AIFM3: variants seen among roughly 807,000 people sequenced by gnomAD.
The protein encoded by AIFM3 is apoptosis-inducing factor 3.
A neutral mutation model predicts 82.7 loss-of-function variants in AIFM3; 71 were observed. That is an observed-to-expected ratio of 0.86 (90% CI 0.71 to 1.05). The LOEUF (loss-of-function observed/expected upper bound fraction) is 1.05. Among genes scored for constraint, AIFM3 ranks in the 50% least tolerant of loss-of-function variants. AIFM3 has a pLI of 0.00. For missense variants in AIFM3, 748 were observed against 816.7 expected (o/e 0.92, Z 1.03); for synonymous variants, 337 against 329.1 (o/e 1.02, Z -0.26).
chr22:20,975,631 C>A lies in AIFM3; in HGVS notation c.721-61C>A, dbSNP rs1038764113. The A allele has an allele frequency of 3.2e-6, 5 of 1,559,620 alleles. No homozygotes were observed. In the African/African-American group the frequency reaches 5.4e-5, roughly 17 times the overall value. On this transcript the variant is annotated intron_variant, in intron 8 of 20. Coordinates refer to ENST00000440238, the MANE Select transcript of AIFM3 (RefSeq NM_001386814.1). The stretch of plus-strand genomic sequence containing the variant: ...ATGTGACTGGGGCTGGCCCCACCTT[C>A]CCTGGGCCCCAGTGTCTTCTGCTGT...
chr22:20,973,758 G>C lies in AIFM3; in HGVS notation c.246G>C (p.Gln82His). Residue 82 changes from glutamine to histidine, a missense_variant and splice_region_variant, in exon 4 of 21, where the codon CAG becomes CAC. By Grantham distance (24) the Gln-to-His change is conservative. Coordinates refer to ENST00000440238, the MANE Select transcript of AIFM3 (RefSeq NM_001386814.1). ...ACCTCTGAGTGCTGCGGTTCCCCAGGATGCGGGAAGTGGAGCTGGGCTGGG... is the reference window on the plus strand; with the variant it reads ...ACCTCTGAGTGCTGCGGTTCCCCAGCATGCGGGAAGTGGAGCTGGGCTGGG... ...VCHVKDLENGQMREVELGWGK... is the reference protein window; with the variant it reads ...VCHVKDLENGHMREVELGWGK... 6.4e-7 allele frequency: 1 copy of C among 1,552,962 alleles called. No homozygotes were observed. The highest frequency in any genetic ancestry group is 8.7e-7 in the Non-Finnish European group (1 of 1,149,304).
chr22:20,968,758 G>A (rs1923079082), intron 2 of AIFM3, among the ~76,000 whole-genome samples: 1 of 152,114 alleles, frequency 6.6e-6, no homozygotes, highest in Admixed American at 6.5e-5. Context: ...GACCTCAAGA[G>A]CGCAGCCAGT....
At chr22:20,973,215 G>C in intron 2 of AIFM3, 92 bp from the exon 3 acceptor site, 3 of 1,448,692 alleles carry the variant, frequency 2.1e-6, no homozygotes, top group Non-Finnish European at 2.8e-6. Flanking sequence ...GAGCCTCCTG[G>C]CACCCCGAGG....
chr22:20,980,373 A>G (rs8136699), intron 19 of AIFM3: 46,418 of 596,876 alleles, frequency 0.078, 4,175 homozygotes, highest in African/African-American at 0.35. Flanking sequence ...GTGCTGTGGG[A>G]AGGGGTCAGG....
chr22:20,970,007 C>T (rs535126039), intron 2 of AIFM3, among the ~76,000 whole-genome samples: 9 of 152,300 alleles, frequency 5.9e-5, no homozygotes, highest in Non-Finnish European at 1.2e-4. Context: ...TCCTGTGTGT[C>T]CTGTCTGAGT....
At chr22:20,977,145 C>T (rs749797078) in intron 14 of AIFM3, 50 bp downstream of exon 14, 3 of 1,610,208 alleles carry the variant, frequency 1.9e-6, no homozygotes, top group Non-Finnish European at 1.7e-6. Context: ...GCCGTCTGCA[C>T]ATGCTCACAT....
Position 20,976,942 on chromosome 22 carries a change from G to A in AIFM3, c.1218+4G>A, listed in dbSNP as rs770625010. 29 of 1,612,206 alleles carry A rather than the reference G, an allele frequency of 1.8e-5. No homozygotes were observed. The highest frequency in any genetic ancestry group is 2.4e-5 in the Non-Finnish European group (28 of 1,178,600). ...GCTGCGGGGCCAGGAGGGAAAGGTG[G>A]GCCCTTCTCCCTTCTCCCTGCTGCT... On this transcript the variant is annotated splice_donor_region_variant and intron_variant, in intron 13 of 20. Transcript: ENST00000440238.
In AIFM3 at chr22:20,977,926, C is replaced by T. The variant is rs537740193; in HGVS notation, c.1398C>T (p.Gly466=). The stretch of plus-strand genomic sequence containing the variant: ...ATGTCCCAGGCGTGTTTGCAGCTGG[C>T]GATGCTGTCACCTTCCCCCTTGCCT... ...QTNVPGVFAA[G]DAVTFPLAWR... is the part of the protein sequence containing the mutation. The change falls in exon 16 of 21, where the codon GGC becomes GGT. Residue 466 remains glycine (G), a synonymous_variant. Transcript: ENST00000440238. 48 of 1,614,034 alleles carry T rather than the reference C, an allele frequency of 3.0e-5. No individual in the cohort carries two copies. The highest frequency in any genetic ancestry group is 6.7e-5 in the African/African-American group (5 of 74,900).
In AIFM3 at chr22:20,972,990, C is replaced by T. The variant is rs545257044; in HGVS notation, c.32-317C>T. Reference sequence around the variant, plus strand: ...TGAACCCAGGAGGCAGAGACTGCAGCGAGCCGAGATTGCATGACTGCACTA... The same window carrying T: ...TGAACCCAGGAGGCAGAGACTGCAGTGAGCCGAGATTGCATGACTGCACTA... On this transcript the variant is annotated intron_variant, in intron 2 of 20. Transcript: ENST00000440238. 4.0e-4 allele frequency among the ~76,000 whole-genome samples: 61 copies of T among 151,034 alleles called. No homozygotes were observed. In the East Asian group the frequency reaches 4.1e-3, roughly 10 times the overall value.
In AIFM3 at chr22:20,976,439, G is replaced by A; in HGVS notation, c.931G>A (p.Val311Met). 1 of 1,614,106 alleles carries A rather than the reference G, an allele frequency of 6.2e-7. No individual in the cohort carries two copies. The highest frequency in any genetic ancestry group is 8.5e-7 in the Non-Finnish European group (1 of 1,180,030). The change falls in exon 11 of 21, where the codon GTG becomes ATG. Residue 311 changes from valine to methionine, a missense_variant. Physicochemically the swap from Val to Met is conservative, Grantham distance 21 (BLOSUM62 1). Transcript: ENST00000440238. ...PKTLSCKGKE[V>M]ENVFTIRTPE... The stretch of plus-strand genomic sequence containing the variant: ...GACTCTGAGCTGCAAAGGCAAAGAA[G>A]TGGAGAACGTGTTCACTATCCGGAC...
At position 20,979,626 on chromosome 22, in the gene AIFM3, G is replaced by A. The variant is rs1416898436; in HGVS notation, c.1577-1G>A. On this transcript the variant is annotated splice_acceptor_variant, in intron 17 of 20. Coordinates refer to ENST00000440238, the MANE Select transcript of AIFM3 (RefSeq NM_001386814.1). LOFTEE classifies it high-confidence loss of function. ...GTGCCACCCACCTGCCCGGCCCACA[G>A]GCTACGGAGAAGGCTTCGACGACGT... is the stretch of plus-strand genomic sequence containing the variant. The A allele has an allele frequency of 1.9e-6, 3 of 1,614,176 alleles. No homozygotes were observed. The highest frequency in any genetic ancestry group is 2.5e-6 in the Non-Finnish European group (3 of 1,180,022).
chr22:20,977,734 C>T lies in AIFM3; in HGVS notation c.1317C>T (p.Ser439=), dbSNP rs1212158208. 3.1e-6 allele frequency: 5 copies of T among 1,614,130 alleles called. No individual in the cohort carries two copies. The highest frequency in any genetic ancestry group is 4.2e-6 in the Non-Finnish European group (5 of 1,180,026). ...CCGCCACAGGCTTCCTGAGGCAAAG[C>T]GGCATCGGTTTGGATTCCCGAGGCT... ...AVPATGFLRQ[S]GIGLDSRGFI... is the part of the protein sequence containing the mutation. Residue 439 remains serine, a synonymous_variant, in exon 15 of 21, where the codon AGC becomes AGT. Transcript: ENST00000440238.
At chr22:20,975,213 C>T (rs57610) in intron 8 of AIFM3, among the ~76,000 whole-genome samples, 23,062 of 151,262 alleles carry the variant, frequency 0.15, 2,005 homozygotes, top group East Asian at 0.42. Flanking sequence ...CCCATCCGCC[C>T]ACCTCAGCCT....
At chr22:20,970,572 T>C (rs1056470495) in intron 2 of AIFM3, among the ~76,000 whole-genome samples, 2 of 152,230 alleles carry the variant, frequency 1.3e-5, no homozygotes, top group Admixed American at 6.5e-5. Flanking sequence ...GCGATTCTCC[T>C]GCCTCAGGCT....
chr22:20,978,979 C>T (rs1196566020), intron 16 of AIFM3, among the ~76,000 whole-genome samples: 2 of 152,108 alleles, frequency 1.3e-5, no homozygotes, highest in Non-Finnish European at 2.9e-5. Context: ...GTGTGCACAG[C>T]TGAAATGGTG....
intron 2 of AIFM3, among the ~76,000 whole-genome samples, chr22:20,970,673 C>G (rs1238975777): frequency 6.6e-6 from 1 of 152,194 alleles, no homozygotes. Flanking sequence ...GTTGGCCAGG[C>G]TGGTCTCGAA....
chr22:20,977,559 C>A (rs1459525976), intron 14 of AIFM3, 141 bp from the exon 15 acceptor site: 1 of 975,832 alleles, frequency 1.0e-6, no homozygotes, highest in Non-Finnish European at 1.6e-6. Context: ...TAGTGGGGAC[C>A]AGGGTGCATG....
At chr22:20,968,116 G>T in intron 2 of AIFM3, 141 bp downstream of exon 2, 1 of 870,690 alleles carries the variant, frequency 1.1e-6, no homozygotes, top group Non-Finnish European at 1.8e-6. Flanking sequence ...ATGTTAATAC[G>T]CTGCCGCCAG....
rs368820001 is a variant in AIFM3 at position 20,974,100 on chromosome 22, C to A, written c.393C>A (p.His131Gln). 1 of 1,612,442 alleles carries A rather than the reference C, an allele frequency of 6.2e-7. No individual in the cohort carries two copies. The highest frequency in any genetic ancestry group is 1.7e-5 in the Admixed American group (1 of 59,948). Residue 131 changes from histidine to glutamine, a missense_variant, in exon 5 of 21, where the codon CAC (histidine) becomes CAA (glutamine). Around this residue, in one of 5 missense-constraint regions of AIFM3, gnomAD observed 393 missense variants for 481.1 expected, o/e 0.82. Coordinates refer to ENST00000440238, the MANE Select transcript of AIFM3 (RefSeq NM_001386814.1). Reference sequence around the variant, plus strand: ...GTGGTCGGGTGCGCTGCCCCTGGCACGGCGCCTGCTTCAACATCAGCACTG... The same window carrying A: ...GTGGTCGGGTGCGCTGCCCCTGGCAAGGCGCCTGCTTCAACATCAGCACTG... ...LSRGRVRCPW[H>Q]GACFNISTGD...
Sources: gnomAD v4.1 joint callset for allele counts (sites outside exome capture counted in the v4.1 genomes callset) on GRCh38, gnomAD v4.1.1 for gene constraint, gnomAD v4.1.1 regional missense constraint, MANE v1.5 for transcripts, NCBI Gene and HGNC (gene_info 2026-07-23, HGNC 2026-07-21) for gene names.